Variants in VWDE observed in about 807,000 individuals in gnomAD.
The protein encoded by VWDE is von Willebrand factor D and EGF domains, also known as von Willebrand factor D and EGF domain-containing protein.
A neutral mutation model predicts 178.4 loss-of-function variants in VWDE; 207 were observed. The observed-to-expected ratio is 1.16, with a 90% CI of 1.04 to 1.30. The LOEUF is 1.30. Among genes scored for constraint, VWDE ranks in the 50% most tolerant of loss-of-function variants. The pLI, the probability that VWDE is intolerant of heterozygous loss-of-function variation, is 0.00. For synonymous variants in VWDE, 738 were observed against 651.4 expected, an observed-to-expected ratio of 1.13 and a Z score of -2.02; for missense variants, 2,287 against 1,901.3, an observed-to-expected ratio of 1.20 and a Z score of -3.77.
chr7:12,346,312 A>C (rs772210238), intron 19 of VWDE, among the ~76,000 whole-genome samples: 11 of 152,176 alleles, frequency 7.2e-5, no homozygotes, highest in Non-Finnish European at 1.5e-4. Context: ...AGCAATTTAG[A>C]ATATTGTCAA....
At chr7:12,391,647 A>C (rs1232316145) in intron 2 of VWDE, among the ~76,000 whole-genome samples, 1 of 152,214 alleles carries the variant, frequency 6.6e-6, no homozygotes, top group African/African-American at 2.4e-5. Flanking sequence ...AAAAGCGACT[A>C]ATGAGCAAAT....
At chr7:12,387,023 A>C (rs1208789841) in intron 3 of VWDE, among the ~76,000 whole-genome samples, 1 of 152,186 alleles carries the variant, frequency 6.6e-6, no homozygotes, top group Non-Finnish European at 1.5e-5. Context: ...TGATCTTATT[A>C]TAATAATAAA....
chr7:12,339,328 G>A (rs1283600958), intron 24 of VWDE, among the ~76,000 whole-genome samples: 1 of 152,088 alleles, frequency 6.6e-6, no homozygotes, highest in Non-Finnish European at 1.5e-5. Context: ...AAGATGTAAC[G>A]TTTTCATTTC....
At chr7:12,374,870 T>A in intron 8 of VWDE, 108 bp from the exon 9 acceptor site, 2 of 1,150,366 alleles carry the variant, frequency 1.7e-6, no homozygotes, top group African/African-American at 1.6e-5. Flanking sequence ...ATTGTTTTTA[T>A]CATAGTTATT....
intron 16 of VWDE, among the ~76,000 whole-genome samples, chr7:12,358,635 C>T (rs1477108419): frequency 6.6e-6 from 1 of 152,070 alleles, no homozygotes; most frequent in Non-Finnish European, 1.5e-5. Flanking sequence ...CACAAGCAGC[C>T]TAACTTATTG....
At chr7:12,378,702 C>A (rs962654961) in intron 6 of VWDE, among the ~76,000 whole-genome samples, 1 of 152,188 alleles carries the variant, frequency 6.6e-6, no homozygotes, top group Non-Finnish European at 1.5e-5. Context: ...CTTCCCCTCA[C>A]GCTGTAGTTA....
At chr7:12,375,402 C>G (rs1783471453) in intron 7 of VWDE, among the ~76,000 whole-genome samples, 175 bp from the exon 8 acceptor site, 1 of 151,944 alleles carries the variant, frequency 6.6e-6, no homozygotes, top group South Asian at 2.1e-4. Context: ...ATTGAATCTA[C>G]CTGATTTTTA....
chr7:12,398,840 A>G (rs1475505994), intron 1 of VWDE, among the ~76,000 whole-genome samples: 4 of 152,160 alleles, frequency 2.6e-5, no homozygotes, highest in Non-Finnish European at 4.4e-5. Flanking sequence ...CAAGCTAAAC[A>G]TTGGGTACCC....
At chr7:12,373,526 T>A (rs1237677153) in intron 9 of VWDE, among the ~76,000 whole-genome samples, 1 of 152,104 alleles carries the variant, frequency 6.6e-6, no homozygotes, top group Non-Finnish European at 1.5e-5. Flanking sequence ...ACTTGTTAAA[T>A]GTCACCCTCA....
chr7:12,330,960 A>G lies in VWDE; in HGVS notation c.*223T>C. 1 of 466,414 alleles carries G rather than the reference A, an allele frequency of 2.1e-6. No homozygotes were observed. Among genetic ancestry groups the G allele is most frequent in the South Asian group, 3.1e-5 (1 of 32,256 alleles). The allele number at this position is 466,414 out of a possible 1,614,324, so 28.9% of individuals were successfully genotyped here. On this transcript the variant is annotated 3_prime_UTR_variant, in exon 29 of 29. Transcript: ENST00000275358. ...ATCAGATACATCATCTCAATATGTA[A>G]ATATCCTATCCCATCTCAACATCAA...
chr7:12,358,380 T>TAA (rs1554266224), intron 16 of VWDE, among the ~76,000 whole-genome samples: 123 of 149,890 alleles, frequency 8.2e-4, no homozygotes, highest in East Asian at 2.0e-4. Context: ...TCTCAAAAAA[T>TAA]AAAAGGTGGG....
Position 12,361,228 on chromosome 7 carries a change from G to C in VWDE, c.3078C>G (p.Phe1026Leu), listed in dbSNP as rs199655266. The C allele has an allele frequency of 3.2e-4, 491 of 1,548,012 alleles. No homozygotes were observed. Among genetic ancestry groups the C allele is most frequent in the Non-Finnish European group, 3.7e-4 (421 of 1,144,420 alleles). ...QLKVSNDGYKFSNPKITVIYD... is the reference protein window; with the variant it reads ...QLKVSNDGYKLSNPKITVIYD... ...ATATGACCGTTATTTTGGGATTACTGAATTTATAACCATCATTAGATACCT... is the reference window on the plus strand; with the variant it reads ...ATATGACCGTTATTTTGGGATTACTCAATTTATAACCATCATTAGATACCT... Residue 1026 changes from phenylalanine to leucine, a missense_variant, in exon 15 of 29, where the codon TTC becomes TTG. By Grantham distance (22) the Phe-to-Leu change is conservative. Coordinates refer to ENST00000275358, the MANE Select transcript of VWDE (RefSeq NM_001135924.3).
chr7:12,337,634 TC>T (rs1781116950), intron 24 of VWDE, among the ~76,000 whole-genome samples: 2 of 152,194 alleles, frequency 1.3e-5, no homozygotes, highest in Admixed American at 6.5e-5. Flanking sequence ...ATGTGCCTGT[TC>T]TTGTGGAAAT....
chr7:12,342,867 G>T (rs1781402559), intron 22 of VWDE, among the ~76,000 whole-genome samples: 1 of 139,412 alleles, frequency 7.2e-6, no homozygotes, highest in Non-Finnish European at 1.5e-5. Context: ...AGAGTGTGAT[G>T]TTCCCCTTCC....
intron 6 of VWDE, 55 bp downstream of exon 6, chr7:12,379,422 G>A (rs1469912922): frequency 2.3e-6 from 3 of 1,330,694 alleles, no homozygotes; most frequent in Non-Finnish European, 2.1e-6. Flanking sequence ...ATCACAGTTT[G>A]GGAAACATAG....
chr7:12,357,074 G>C (rs941201905), intron 17 of VWDE, among the ~76,000 whole-genome samples, 191 bp downstream of exon 17: 2 of 152,146 alleles, frequency 1.3e-5, no homozygotes, highest in Non-Finnish European at 2.9e-5. Flanking sequence ...GTGCTTCTAG[G>C]CTTGAGACTC....
chr7:12,380,404 A>G, intron 5 of VWDE, 82 bp downstream of exon 5: 2 of 1,481,174 alleles, frequency 1.4e-6, no homozygotes, highest in Non-Finnish European at 1.8e-6. Flanking sequence ...GACAAAATCT[A>G]TTTTTTGGAT....
intron 1 of VWDE, 122 bp downstream of exon 1, chr7:12,403,537 T>C (rs780505299): frequency 1.5e-5 from 14 of 909,886 alleles, no homozygotes; most frequent in Admixed American, 8.8e-5. Context: ...GGAACAAACA[T>C]CGCTTGCTGC....
chr7:12,361,385 G>C lies in VWDE; in HGVS notation c.3035C>G (p.Thr1012Ser), dbSNP rs1251607808. The change falls in exon 14 of 29, where the codon ACT becomes AGT. Residue 1012 changes from threonine to serine, a missense_variant. Physicochemically the swap from Thr to Ser is moderately conservative, Grantham distance 58. Coordinates refer to ENST00000275358, the MANE Select transcript of VWDE (RefSeq NM_001135924.3). ...TTTTACCTTCAACTGCCACTTCCCA[G>C]TTGGTTTCCCACCCACCAGATCCAT... is the stretch of plus-strand genomic sequence containing the variant. ...DTMDLVGGKP[T>S]GKWQLKVSND... 13 of 1,549,288 alleles carry C rather than the reference G, an allele frequency of 8.4e-6. No individual in the cohort carries two copies. Among genetic ancestry groups the C allele is most frequent in the Middle Eastern group, 1.7e-4 (1 of 5,978 alleles).
Sources: gnomAD v4.1 joint callset for allele counts (sites outside exome capture counted in the v4.1 genomes callset) on GRCh38, gnomAD v4.1.1 for gene constraint, MANE v1.5 for transcripts, NCBI Gene and HGNC (gene_info 2026-07-23, HGNC 2026-07-21) for gene names.